CLASP2: variants seen among roughly 807,000 people sequenced by gnomAD.
CLASP2 encodes the protein cytoplasmic linker associated protein 2.
CLASP2 carries 47 observed loss-of-function variants against 194.4 expected under a neutral mutation model. The observed-to-expected ratio is 0.24, with a 90% CI of 0.19 to 0.31. The LOEUF (loss-of-function observed/expected upper bound fraction) is 0.31. CLASP2 is among the 10% of genes least tolerant of loss of function. The probability of loss-of-function intolerance (pLI) is 1.00; values close to 1 mark genes in which losing one functional copy is unlikely to be tolerated. For synonymous variants in CLASP2, 619 were observed against 633.5 expected (o/e 0.98, Z 0.34); for missense variants, 1,445 against 1,823.6 (o/e 0.79, Z 3.78).
intron 34 of CLASP2, among the ~76,000 whole-genome samples, chr3:33,534,038 A>T: frequency 6.6e-6 from 1 of 152,088 alleles, no homozygotes; most frequent in East Asian, 1.9e-4. Context: ...ACGATGCCTG[A>T]CACACACAAA....
intron 34 of CLASP2, among the ~76,000 whole-genome samples, chr3:33,522,979 G>C (rs979240316): frequency 6.6e-6 from 1 of 152,210 alleles, no homozygotes; most frequent in African/African-American, 2.4e-5. Flanking sequence ...GGGAGGCTGA[G>C]ACAGGAGAAT....
intron 12 of CLASP2, among the ~76,000 whole-genome samples, chr3:33,613,265 A>G (rs1279939878): frequency 1.3e-5 from 2 of 152,230 alleles, no homozygotes; most frequent in African/African-American, 4.8e-5. Flanking sequence ...GCCCAAGGCT[A>G]TCTTTGCCCA....
intron 29 of CLASP2, among the ~76,000 whole-genome samples, chr3:33,555,230 CTT>C (rs1234387606): frequency 6.6e-6 from 1 of 151,972 alleles, no homozygotes; most frequent in Non-Finnish European, 1.5e-5. Context: ...ATATTTATAA[CTT>C]TAAATAAATT....
At chr3:33,700,393 C>G (rs2092291655) in intron 1 of CLASP2, among the ~76,000 whole-genome samples, 1 of 152,014 alleles carries the variant, frequency 6.6e-6, no homozygotes, top group Admixed American at 6.6e-5. Flanking sequence ...TGTCACTGCA[C>G]TCCAGCTGGC....
intron 34 of CLASP2, among the ~76,000 whole-genome samples, chr3:33,519,479 AT>A (rs1312130082): frequency 1.3e-5 from 2 of 152,186 alleles, no homozygotes; most frequent in East Asian, 3.8e-4. Context: ...TAAATTTTAG[AT>A]TTTAAAAACA....
At chr3:33,695,705 C>G (rs1428480360) in intron 2 of CLASP2, among the ~76,000 whole-genome samples, 1 of 151,920 alleles carries the variant, frequency 6.6e-6, no homozygotes, top group South Asian at 2.1e-4. Context: ...TTTGGGAGGC[C>G]GAGGTGAGAG....
intron 34 of CLASP2, among the ~76,000 whole-genome samples, chr3:33,519,197 T>C (rs2052271765): frequency 1.3e-5 from 2 of 152,198 alleles, no homozygotes; most frequent in South Asian, 4.1e-4. Context: ...AAGTACAAAA[T>C]AGTCTTTCAG....
At chr3:33,710,742 C>G (rs1372358990) in intron 1 of CLASP2, among the ~76,000 whole-genome samples, 2 of 152,182 alleles carry the variant, frequency 1.3e-5, no homozygotes, top group African/African-American at 2.4e-5. Flanking sequence ...TGAGACCAGC[C>G]TGGCCAACAT....
intron 23 of CLASP2, among the ~76,000 whole-genome samples, chr3:33,581,577 G>A (rs561876134): frequency 1.3e-5 from 2 of 152,302 alleles, no homozygotes; most frequent in African/African-American, 2.4e-5. Context: ...GTTTAAACCT[G>A]TGTGACATTT....
Position 33,560,789 on chromosome 3 carries a change from T to A in CLASP2, c.2930+19A>T, listed in dbSNP as rs755505264. On this transcript the variant is annotated intron_variant, in intron 28 of 38. Transcript: ENST00000682230. Reference sequence around the variant, plus strand: ...TAGTTATTATCAGGTTAACTTGAAATATATGAAAAAAATATTACCTTGTAA... The same window carrying A: ...TAGTTATTATCAGGTTAACTTGAAAAATATGAAAAAAATATTACCTTGTAA... 6.2e-7 allele frequency: 1 copy of A among 1,607,300 alleles called. No individual in the cohort carries two copies. The highest frequency in any genetic ancestry group is 1.1e-5 in the South Asian group (1 of 90,340).
At chr3:33,584,679 A>G (rs995071372) in intron 22 of CLASP2, 71 bp downstream of exon 22, 20 of 1,376,106 alleles carry the variant, frequency 1.5e-5, no homozygotes, top group Non-Finnish European at 1.8e-5. Context: ...AAAGTCTTCA[A>G]TGCTGCCAAA....
At chr3:33,715,115 C>G (rs532103054) in intron 1 of CLASP2, among the ~76,000 whole-genome samples, 1 of 152,338 alleles carries the variant, frequency 6.6e-6, no homozygotes, top group East Asian at 1.9e-4. Context: ...TCCTCTGCTT[C>G]AATCATTCTT....
chr3:33,657,315 C>T (rs556969439), intron 7 of CLASP2, among the ~76,000 whole-genome samples: 27 of 152,126 alleles, frequency 1.8e-4, no homozygotes, highest in Non-Finnish European at 3.2e-4. Context: ...ATATACATAT[C>T]TTTATTGTTT....
At chr3:33,545,206 C>T (rs1230919549) in intron 30 of CLASP2, 2 of 155,450 alleles carry the variant, frequency 1.3e-5, no homozygotes, top group African/African-American at 2.4e-5. Context: ...AAGCAGTTAA[C>T]TAAACAACTC....
At chr3:33,632,257 G>A in intron 9 of CLASP2, 35 bp downstream of exon 9, 6 of 1,344,364 alleles carry the variant, frequency 4.5e-6, no homozygotes, top group Non-Finnish European at 6.2e-6. Context: ...AGGCACACAG[G>A]CAATATTCAC....
chr3:33,561,705 T>C (rs575592338), intron 27 of CLASP2, among the ~76,000 whole-genome samples: 12 of 152,116 alleles, frequency 7.9e-5, no homozygotes, highest in Non-Finnish European at 1.5e-4. Context: ...ATTATTATAG[T>C]GAAGGGAAGC....
intron 31 of CLASP2, 146 bp downstream of exon 31, chr3:33,544,552 A>G (rs1576213949): frequency 1.5e-6 from 1 of 687,616 alleles, no homozygotes; most frequent in Non-Finnish European, 2.3e-6. Context: ...TTCCAAGACA[A>G]TATTTAATTC....
At chr3:33,616,733 C>G (rs979443142) in intron 12 of CLASP2, among the ~76,000 whole-genome samples, 15 of 144,428 alleles carry the variant, frequency 1.0e-4, no homozygotes, top group African/African-American at 1.8e-4. Flanking sequence ...CACTATACTT[C>G]CTTTTTTTTT....
At chr3:33,613,391 G>C (rs953505129) in intron 12 of CLASP2, among the ~76,000 whole-genome samples, 10 of 152,164 alleles carry the variant, frequency 6.6e-5, no homozygotes, top group Non-Finnish European at 1.2e-4. Context: ...GGCAATACTG[G>C]GAAGGGGCAA....
Sources: gnomAD v4.1 joint callset for allele counts (sites outside exome capture counted in the v4.1 genomes callset) on GRCh38, gnomAD v4.1.1 for gene constraint, MANE v1.5 for transcripts, NCBI Gene and HGNC (gene_info 2026-07-23, HGNC 2026-07-21) for gene names.